The following CAPZB variants were observed in gnomAD, a reference collection of about 807,000 sequenced individuals.
CAPZB encodes the protein F-actin-capping protein subunit beta.
Under a neutral mutation model 38.1 loss-of-function variants are expected in CAPZB, and 2 were observed. The observed-to-expected ratio is 0.05, with a 90% CI of 0.02 to 0.17. The LOEUF (loss-of-function observed/expected upper bound fraction) is 0.17, where lower values mean the gene tolerates loss of function less well. CAPZB is among the 10% of genes least tolerant of loss of function. The probability of loss-of-function intolerance (pLI) is 1.00; values close to 1 mark genes in which losing one functional copy is unlikely to be tolerated. For synonymous variants in CAPZB, 107 were observed against 127.4 expected (o/e 0.84, Z 1.08); for missense variants, 161 against 334.2 (o/e 0.48, Z 4.04).
intron 1 of CAPZB, among the ~76,000 whole-genome samples, chr1:19,483,985 G>C (rs2094640485): frequency 6.6e-6 from 1 of 152,148 alleles, no homozygotes. Flanking sequence ...AAAATCCCTT[G>C]ATCCTGTCAG....
intron 1 of CAPZB, 65 bp downstream of exon 1, chr1:19,485,366 TGGGCA>T: frequency 9.3e-7 from 1 of 1,080,604 alleles, no homozygotes; most frequent in Non-Finnish European, 1.2e-6. Context: ...AGGCCAGGGA[TGGGCA>T]GGGGGAGGGG....
At chr1:19,378,279 G>A (rs910265448) in intron 4 of CAPZB, among the ~76,000 whole-genome samples, 20 of 152,204 alleles carry the variant, frequency 1.3e-4, no homozygotes, top group Non-Finnish European at 2.6e-4. Flanking sequence ...ACAGCACATA[G>A]TGAAGTCTGG....
chr1:19,434,189 T>C (rs1417682250), intron 1 of CAPZB, among the ~76,000 whole-genome samples: 1 of 152,164 alleles, frequency 6.6e-6, no homozygotes, highest in African/African-American at 2.4e-5. Context: ...GGTCTGCAGC[T>C]GGCAGAAAGA....
At chr1:19,414,097 G>A (rs1454266234) in intron 2 of CAPZB, among the ~76,000 whole-genome samples, 1 of 152,164 alleles carries the variant, frequency 6.6e-6, no homozygotes, top group Non-Finnish European at 1.5e-5. Context: ...CAGGTTTTTG[G>A]AAACGTAAGC....
chr1:19,387,972 C>G (rs1570086389), intron 2 of CAPZB, among the ~76,000 whole-genome samples: 1 of 152,222 alleles, frequency 6.6e-6, no homozygotes, highest in African/African-American at 2.4e-5. Context: ...TAGCCTGGAT[C>G]ATACCTGAAT....
chr1:19,405,541 CAAAAAAA>C (rs10577923), intron 2 of CAPZB, among the ~76,000 whole-genome samples: 27 of 96,506 alleles, frequency 2.8e-4, no homozygotes, highest in African/African-American at 8.0e-4. Context: ...TAGAAAGAGG[CAAAAAAA>C]AAAAAAAAAA....
intron 1 of CAPZB, among the ~76,000 whole-genome samples, chr1:19,459,044 G>C (rs1177176407): frequency 6.6e-6 from 1 of 152,184 alleles, no homozygotes; most frequent in Non-Finnish European, 1.5e-5. Context: ...GTGTGGTAGG[G>C]AAAGTGCCAC....
intron 1 of CAPZB, among the ~76,000 whole-genome samples, chr1:19,434,747 G>A (rs572555686): frequency 9.2e-5 from 14 of 152,106 alleles, no homozygotes; most frequent in South Asian, 6.2e-4. Flanking sequence ...TGGGCAACAC[G>A]GTAAAACCCC....
rs6889 is a variant in CAPZB, at chr1:19,339,003, A to C, written c.*527T>G. On this transcript the variant is annotated 3_prime_UTR_variant, in exon 9 of 9. Coordinates refer to ENST00000264202, the MANE Select transcript of CAPZB (RefSeq NM_004930.5). ...CACCCCGCGGCCTCCGTGGGACGGGAGAGTCTGCGCAGGACGGCACCGAGG... is the reference window on the plus strand; with the variant it reads ...CACCCCGCGGCCTCCGTGGGACGGGCGAGTCTGCGCAGGACGGCACCGAGG... The C allele has an allele frequency of 0.24, 33,419 of 141,432 alleles. 3,844 individuals carry two copies. Among genetic ancestry groups the C allele is most frequent in the East Asian group, 0.37 (1,614 of 4,318 alleles). The allele number at this position is 141,432 out of a possible 1,614,324, so 8.8% of individuals were successfully genotyped here.
At chr1:19,440,858 A>T (rs2094473720) in intron 1 of CAPZB, among the ~76,000 whole-genome samples, 1 of 152,218 alleles carries the variant, frequency 6.6e-6, no homozygotes, top group Non-Finnish European at 1.5e-5. Flanking sequence ...CAGGAGATCG[A>T]GACCACCTTG....
intron 1 of CAPZB, among the ~76,000 whole-genome samples, chr1:19,473,722 G>A (rs913108391): frequency 2.0e-5 from 3 of 152,146 alleles, no homozygotes; most frequent in Non-Finnish European, 4.4e-5. Context: ...AAATCAGCCG[G>A]GCATAGTGGC....
chr1:19,480,409 A>G (rs1486740771), intron 1 of CAPZB, among the ~76,000 whole-genome samples: 5 of 152,204 alleles, frequency 3.3e-5, no homozygotes, highest in African/African-American at 1.2e-4. Flanking sequence ...TCACATGCTG[A>G]GTGGCAGACA....
chr1:19,384,767 G>C (rs1481495456), intron 3 of CAPZB, among the ~76,000 whole-genome samples: 2 of 152,186 alleles, frequency 1.3e-5, no homozygotes, highest in Non-Finnish European at 2.9e-5. Flanking sequence ...CACTGGGCCA[G>C]TTTAAGGATT....
intron 4 of CAPZB, among the ~76,000 whole-genome samples, chr1:19,366,357 T>C (rs988661731): frequency 6.7e-6 from 1 of 148,770 alleles, no homozygotes; most frequent in Non-Finnish European, 1.5e-5. Flanking sequence ...TACTGGTGCT[T>C]GGTCATGACA....
intron 4 of CAPZB, among the ~76,000 whole-genome samples, chr1:19,362,045 A>T (rs549293030): frequency 2.2e-4 from 34 of 152,226 alleles, no homozygotes; most frequent in Admixed American, 2.6e-4. Flanking sequence ...ATGCCTGATA[A>T]TTTCAAAATC....
At chr1:19,340,279 T>C (rs1313818247) in intron 8 of CAPZB, among the ~76,000 whole-genome samples, 1 of 152,162 alleles carries the variant, frequency 6.6e-6, no homozygotes, top group Non-Finnish European at 1.5e-5. Context: ...TGAGGCACCA[T>C]CCGCTGTTAA....
chr1:19,342,619 A>C, intron 8 of CAPZB: 3 of 655,970 alleles, frequency 4.6e-6, no homozygotes, highest in Non-Finnish European at 5.6e-6. Flanking sequence ...GTGGCTGTGC[A>C]CCGACCGGGA....
Position 19,410,009 on chromosome 1 carries a change from G to C in CAPZB, c.93+9652C>G, listed in dbSNP as rs186584692. Among the ~76,000 whole-genome samples, 100 of 152,318 alleles carry C rather than the reference G, an allele frequency of 6.6e-4. 1 individual carries two copies. In the Middle Eastern group the frequency reaches 0.01, roughly 16 times the overall value. On this transcript the variant is annotated intron_variant, in intron 2 of 8. Coordinates refer to ENST00000264202, the MANE Select transcript of CAPZB (RefSeq NM_004930.5). Reference sequence around the variant, plus strand: ...AGTGTGTTTTCCTTCAAAAGTATTAGCTGTTTCAACACATTTATTGAACAA... The same window carrying C: ...AGTGTGTTTTCCTTCAAAAGTATTACCTGTTTCAACACATTTATTGAACAA...
chr1:19,472,709 ATTTTTTTT>A (rs11334966), intron 1 of CAPZB, among the ~76,000 whole-genome samples: 9 of 61,166 alleles, frequency 1.5e-4, no homozygotes, highest in Admixed American at 7.9e-4. Flanking sequence ...TTCATTCTTC[ATTTTTTTT>A]TTTTTTTTTT....
Sources: allele counts gnomAD v4.1 joint callset (sites outside exome capture counted in the v4.1 genomes callset), GRCh38; gene constraint gnomAD v4.1.1; transcripts MANE v1.5; gene names NCBI Gene and HGNC (gene_info 2026-07-23, HGNC 2026-07-21).